GRIN2A: variants seen among roughly 807,000 people sequenced by gnomAD.
The protein encoded by GRIN2A is glutamate ionotropic receptor NMDA type subunit 2A, also known as glutamate receptor ionotropic, NMDA 2A.
GRIN2A carries 22 observed loss-of-function variants against 113.4 expected under a neutral mutation model. The observed-to-expected ratio is 0.19, with a 90% CI of 0.14 to 0.28. The LOEUF is 0.28. GRIN2A is among the 10% of genes least tolerant of loss of function. GRIN2A has a pLI of 1.00. For missense variants in GRIN2A, 1,502 were observed against 1,887.0 expected (o/e 0.80, Z 3.78); for synonymous variants, 827 against 738.4 (o/e 1.12, Z -1.94).
chr16:9,877,097 G>T (rs1049045946), intron 4 of GRIN2A, among the ~76,000 whole-genome samples: 2 of 152,136 alleles, frequency 1.3e-5, no homozygotes, highest in African/African-American at 4.8e-5. Context: ...AGACTCACAA[G>T]ACCTAAATTT....
chr16:9,800,034 G>C (rs1392196766), intron 10 of GRIN2A, among the ~76,000 whole-genome samples: 1 of 151,800 alleles, frequency 6.6e-6, no homozygotes, highest in Non-Finnish European at 1.5e-5. Context: ...GAGTGCAATG[G>C]TGCGATCTCA....
chr16:10,125,245 T>G (rs1422816675), intron 2 of GRIN2A, among the ~76,000 whole-genome samples: 1 of 152,208 alleles, frequency 6.6e-6, no homozygotes, highest in East Asian at 1.9e-4. Context: ...TTACTAGAGA[T>G]TCAAGGTCTT....
chr16:10,141,203 A>G (rs2049320394), intron 2 of GRIN2A, among the ~76,000 whole-genome samples: 1 of 152,098 alleles, frequency 6.6e-6, no homozygotes, highest in East Asian at 1.9e-4. Flanking sequence ...AAAAAAATAA[A>G]AAATAGGCCA....
At chr16:9,765,081 TC>T (rs1467555873) in intron 12 of GRIN2A, 133 bp from the exon 13 acceptor site, 7 of 1,099,166 alleles carry the variant, frequency 6.4e-6, no homozygotes, top group Non-Finnish European at 8.2e-6. Context: ...CAAAATTCAG[TC>T]TGAATCCTGA....
intron 2 of GRIN2A, among the ~76,000 whole-genome samples, chr16:10,066,378 T>C (rs1020449163): frequency 6.6e-6 from 1 of 152,078 alleles, no homozygotes; most frequent in African/African-American, 2.4e-5. Flanking sequence ...ATCTCTGTCA[T>C]AAAAGGAGAG....
intron 2 of GRIN2A, among the ~76,000 whole-genome samples, chr16:10,052,904 C>G (rs753179058): frequency 6.6e-6 from 1 of 152,026 alleles, no homozygotes; most frequent in Non-Finnish European, 1.5e-5. Flanking sequence ...AACAATTACC[C>G]AGGCACAGTG....
intron 2 of GRIN2A, among the ~76,000 whole-genome samples, chr16:9,943,999 C>G (rs988458464): frequency 3.3e-5 from 5 of 152,118 alleles, no homozygotes; most frequent in Non-Finnish European, 2.9e-5. Context: ...CACTAGGGGC[C>G]TGATAAGTAC....
At chr16:10,146,125 A>AT (rs958443363) in intron 2 of GRIN2A, among the ~76,000 whole-genome samples, 7 of 149,974 alleles carry the variant, frequency 4.7e-5, no homozygotes, top group South Asian at 2.1e-4. Flanking sequence ...TTTATTCAAC[A>AT]TTTTTTTTTT....
chr16:10,094,189 A>G (rs1167180321), intron 2 of GRIN2A, among the ~76,000 whole-genome samples: 1 of 152,144 alleles, frequency 6.6e-6, no homozygotes, highest in Non-Finnish European at 1.5e-5. Context: ...AATGTCCTAA[A>G]TCTGTAATGG....
At chr16:9,849,422 C>T (rs932455143) in intron 5 of GRIN2A, among the ~76,000 whole-genome samples, 1 of 151,864 alleles carries the variant, frequency 6.6e-6, no homozygotes, top group Non-Finnish European at 1.5e-5. Flanking sequence ...TCTGTGGAGT[C>T]AGTTGGACCA....
intron 10 of GRIN2A, among the ~76,000 whole-genome samples, chr16:9,810,827 G>A (rs950862036): frequency 7.9e-5 from 12 of 152,314 alleles, no homozygotes; most frequent in African/African-American, 2.9e-4. Flanking sequence ...ACCTGAAGGT[G>A]CAGTACCTGA....
chr16:10,090,768 A>G (rs2048170203), intron 2 of GRIN2A, among the ~76,000 whole-genome samples: 1 of 152,204 alleles, frequency 6.6e-6, no homozygotes, highest in Admixed American at 6.5e-5. Context: ...GACTAGGAGA[A>G]AACATTTGCA....
intron 2 of GRIN2A, among the ~76,000 whole-genome samples, chr16:9,998,934 G>A (rs2046274041): frequency 6.6e-6 from 1 of 152,128 alleles, no homozygotes; most frequent in African/African-American, 2.4e-5. Flanking sequence ...AACATCCTAG[G>A]GGTGCGGGTA....
In GRIN2A at chr16:9,841,158, C is replaced by T. The variant is rs1252239058; in HGVS notation, c.1329-54G>A. ...ATGTTAGCACTGGAAGGTTTGTTCACAATCATTAGCTGTACTCTTCTCCTA... is the reference window on the plus strand; with the variant it reads ...ATGTTAGCACTGGAAGGTTTGTTCATAATCATTAGCTGTACTCTTCTCCTA... On this transcript the variant is annotated intron_variant, in intron 5 of 12. Transcript: ENST00000330684. The T allele has an allele frequency of 2.9e-6, 4 of 1,400,476 alleles. No homozygotes were observed. The East Asian group carries it at 6.9e-5, about 24-fold the overall frequency. The allele number at this position is 1,400,476 out of a possible 1,614,324, so 86.8% of individuals were successfully genotyped here.
intron 3 of GRIN2A, among the ~76,000 whole-genome samples, chr16:9,903,274 G>C (rs984718682): frequency 2.6e-5 from 4 of 151,938 alleles, no homozygotes; most frequent in African/African-American, 9.7e-5. Context: ...GGCCTCTCTT[G>C]GTTTTCTTAA....
chr16:10,096,409 C>T (rs1384807579), intron 2 of GRIN2A, among the ~76,000 whole-genome samples: 3 of 152,070 alleles, frequency 2.0e-5, no homozygotes, highest in African/African-American at 4.8e-5. Flanking sequence ...GGTGGTGTAC[C>T]GGCAACCTGT....
intron 3 of GRIN2A, among the ~76,000 whole-genome samples, chr16:9,913,756 G>A (rs1359829772): frequency 1.3e-5 from 2 of 152,088 alleles, no homozygotes; most frequent in Admixed American, 6.6e-5. Context: ...GATGTTCTAG[G>A]TCCAACTTTT....
chr16:10,032,304 T>C (rs893706575), intron 2 of GRIN2A, among the ~76,000 whole-genome samples: 1 of 152,214 alleles, frequency 6.6e-6, no homozygotes, highest in African/African-American at 2.4e-5. Flanking sequence ...TGACATAAAA[T>C]GGATGATATT....
At chr16:10,142,592 A>G (rs1311406832) in intron 2 of GRIN2A, among the ~76,000 whole-genome samples, 1 of 152,178 alleles carries the variant, frequency 6.6e-6, no homozygotes, top group East Asian at 1.9e-4. Flanking sequence ...TCTGCTACTC[A>G]GGAGGCTGAA....
Sources: gnomAD v4.1 joint callset for allele counts (sites outside exome capture counted in the v4.1 genomes callset) on GRCh38, gnomAD v4.1.1 for gene constraint, MANE v1.5 for transcripts, NCBI Gene and HGNC (gene_info 2026-07-23, HGNC 2026-07-21) for gene names.